The following TNR variants were observed in gnomAD, a reference collection of about 807,000 sequenced individuals.
TNR encodes the protein tenascin R, also known as tenascin-R.
In TNR, 45 loss-of-function variants were observed where a neutral mutation model predicts 150.4. The observed-to-expected ratio is 0.30, with a 90% confidence interval of 0.24 to 0.38. TNR has a LOEUF of 0.38. Ranked by LOEUF, TNR falls within the 10% of genes least tolerant of loss-of-function variation. The pLI is 1.00. For synonymous variants in TNR, 687 were observed against 678.4 expected (o/e 1.01, Z -0.20); for missense variants, 1,544 against 1,759.1 (o/e 0.88, Z 2.19).
At chr1:175,383,371 G>A (rs760504796) in intron 8 of TNR, among the ~76,000 whole-genome samples, 2 of 152,242 alleles carry the variant, frequency 1.3e-5, no homozygotes, top group Non-Finnish European at 2.9e-5. Flanking sequence ...ATGCCCTGGT[G>A]ACTGTGCTTG....
intron 2 of TNR, among the ~76,000 whole-genome samples, chr1:175,455,056 G>A (rs920663010): frequency 3.3e-5 from 5 of 152,122 alleles, no homozygotes; most frequent in East Asian, 1.9e-4. Flanking sequence ...ATGCTGAGCC[G>A]CTACATAAGC....
At chr1:175,669,082 A>T (rs950652194) in intron 1 of TNR, among the ~76,000 whole-genome samples, 1 of 152,220 alleles carries the variant, frequency 6.6e-6, no homozygotes, top group African/African-American at 2.4e-5. Context: ...GTCAGAATCC[A>T]ATCACATCAG....
chr1:175,359,042 TG>T (rs1199024263), intron 15 of TNR, among the ~76,000 whole-genome samples: 1 of 149,010 alleles, frequency 6.7e-6, no homozygotes, highest in Non-Finnish European at 1.5e-5. Context: ...GCTCTGTTTT[TG>T]TACTTGCCCT....
chr1:175,538,179 G>C (rs574514976), intron 1 of TNR, among the ~76,000 whole-genome samples: 1 of 152,296 alleles, frequency 6.6e-6, no homozygotes, highest in East Asian at 1.9e-4. Flanking sequence ...GGTGTTCACA[G>C]TTGCTCTGTG....
intron 2 of TNR, among the ~76,000 whole-genome samples, chr1:175,432,152 G>A (rs192232004): frequency 8.3e-4 from 127 of 152,270 alleles, no homozygotes; most frequent in African/African-American, 2.9e-3. Context: ...AGGACAATCT[G>A]TCCCAGAGGC....
intron 1 of TNR, among the ~76,000 whole-genome samples, chr1:175,713,712 G>A (rs938981919): frequency 6.6e-6 from 1 of 152,184 alleles, no homozygotes; most frequent in African/African-American, 2.4e-5. Flanking sequence ...AGTCTTAGGA[G>A]AAGAGTGACA....
intron 1 of TNR, among the ~76,000 whole-genome samples, chr1:175,670,569 G>T (rs12403473): frequency 6.6e-6 from 1 of 151,956 alleles, no homozygotes; most frequent in East Asian, 1.9e-4. Context: ...AGCTCCACAC[G>T]GGAACACAAA....
intron 1 of TNR, among the ~76,000 whole-genome samples, chr1:175,541,401 C>G (rs1660495619): frequency 6.6e-6 from 1 of 152,200 alleles, no homozygotes; most frequent in African/African-American, 2.4e-5. Context: ...ACATTAAATA[C>G]TGCTGTATGC....
intron 6 of TNR, 123 bp from the exon 7 acceptor site, chr1:175,391,561 T>G: frequency 9.3e-7 from 1 of 1,079,210 alleles, no homozygotes; most frequent in Non-Finnish European, 1.3e-6. Flanking sequence ...GGGCGATGTC[T>G]CTTTCCTCCA....
intron 2 of TNR, among the ~76,000 whole-genome samples, chr1:175,441,659 G>T (rs1655793342): frequency 6.6e-6 from 1 of 152,122 alleles, no homozygotes; most frequent in African/African-American, 2.4e-5. Flanking sequence ...TGGGTGGGGG[G>T]TCTAGGTGGC....
intron 20 of TNR, among the ~76,000 whole-genome samples, chr1:175,331,313 G>C (rs1649918165): frequency 6.8e-6 from 1 of 146,672 alleles, no homozygotes; most frequent in Admixed American, 6.9e-5. Context: ...GCCCAGGCTG[G>C]AGTGGAGTGG....
chr1:175,543,994 C>T (rs1660594671), intron 1 of TNR, among the ~76,000 whole-genome samples: 1 of 151,956 alleles, frequency 6.6e-6, no homozygotes, highest in African/African-American at 2.4e-5. Flanking sequence ...ATTTAGCTAC[C>T]AATAAGAAGT....
In TNR at chr1:175,516,355, A is replaced by T. The variant is rs139350949; in HGVS notation, c.-64+11914T>A. On this transcript the variant is annotated intron_variant, in intron 2 of 22. Coordinates refer to ENST00000367674, the MANE Select transcript of TNR (RefSeq NM_003285.3). Reference sequence around the variant, plus strand: ...CCGCAAGGTACCTGGAAGGTTAATGAATGATTAGCAGCTAACAAATGACAG... The same window carrying T: ...CCGCAAGGTACCTGGAAGGTTAATGTATGATTAGCAGCTAACAAATGACAG... 2.0e-5 allele frequency among the ~76,000 whole-genome samples: 3 copies of T among 152,338 alleles called. No homozygotes were observed. In the East Asian group the frequency reaches 5.8e-4, roughly 29 times the overall value.
chr1:175,701,803 T>C (rs1025560918), intron 1 of TNR, among the ~76,000 whole-genome samples: 12 of 152,218 alleles, frequency 7.9e-5, no homozygotes, highest in African/African-American at 2.9e-4. Flanking sequence ...ATGCAGCCTC[T>C]GGGCCCCAGC....
At chr1:175,654,723 T>A (rs893197806) in intron 1 of TNR, among the ~76,000 whole-genome samples, 1 of 131,578 alleles carries the variant, frequency 7.6e-6, no homozygotes, top group African/African-American at 3.1e-5. Flanking sequence ...TCCCTTCTTT[T>A]TTTTTTTTTT....
chr1:175,437,625 C>T (rs1166996769), intron 2 of TNR, among the ~76,000 whole-genome samples: 15 of 151,796 alleles, frequency 9.9e-5, no homozygotes, highest in African/African-American at 1.9e-4. Context: ...ATTGATAGAC[C>T]GCTAGCAAGA....
rs939583906 is a variant in TNR at position 175,677,547 on chromosome 1, T to C, written c.-165+65679A>G. 2.6e-5 allele frequency among the ~76,000 whole-genome samples: 4 copies of C among 152,146 alleles called. No homozygotes were observed. The South Asian group carries it at 6.2e-4, about 24-fold the overall frequency. On this transcript the variant is annotated intron_variant, in intron 1 of 22. Transcript: ENST00000367674. ...CCCTTTCACAACAACATCGACAACA[T>C]TGCAGGCCTTTCTCTGCATTAGAAA...
At chr1:175,429,297 A>G (rs1019828841) in intron 2 of TNR, among the ~76,000 whole-genome samples, 2 of 152,236 alleles carry the variant, frequency 1.3e-5, no homozygotes, top group Non-Finnish European at 2.9e-5. Context: ...ATATAGATTT[A>G]GAATTGATAT....
At chr1:175,438,400 C>T (rs374608649) in intron 2 of TNR, among the ~76,000 whole-genome samples, 33 of 152,196 alleles carry the variant, frequency 2.2e-4, no homozygotes, top group South Asian at 6.2e-4. Context: ...GAGCTATCTA[C>T]GACAAACCCA....
Sources: gnomAD v4.1 joint callset for allele counts (sites outside exome capture counted in the v4.1 genomes callset) on GRCh38, gnomAD v4.1.1 for gene constraint, MANE v1.5 for transcripts, NCBI Gene and HGNC (gene_info 2026-07-23, HGNC 2026-07-21) for gene names.